The following TMEM182 variants were observed in gnomAD, a reference collection of about 807,000 sequenced individuals.
TMEM182 encodes the protein transmembrane protein 182.
Under a neutral mutation model 26.8 loss-of-function variants are expected in TMEM182, and 20 were observed. That is an observed-to-expected ratio of 0.75 (90% CI 0.53 to 1.09). The LOEUF is 1.09. TMEM182 is among the 50% of genes least tolerant of loss of function. The probability of loss-of-function intolerance (pLI) is 0.00; values close to 1 mark genes in which losing one functional copy is unlikely to be tolerated. For synonymous variants in TMEM182, 109 were observed against 102.2 expected, an observed-to-expected ratio of 1.07 and a Z score of -0.40; for missense variants, 277 against 275.5, an observed-to-expected ratio of 1.01 and a Z score of -0.04.
intron 3 of TMEM182, among the ~76,000 whole-genome samples, chr2:102,771,901 G>A (rs369175551): frequency 1.5e-4 from 23 of 152,144 alleles, no homozygotes; most frequent in African/African-American, 5.6e-4. Flanking sequence ...AACTAAAAAT[G>A]CCTCCAGACA....
chr2:102,835,041 TGG>T (rs1683219652), intron 3 of TMEM182, among the ~76,000 whole-genome samples: 1 of 152,000 alleles, frequency 6.6e-6, no homozygotes, highest in Non-Finnish European at 1.5e-5. Flanking sequence ...AAAGCAATTG[TGG>T]GGGGCGGGGA....
chr2:102,756,824 T>A (rs576950264), intron 1 of TMEM182, among the ~76,000 whole-genome samples: 21 of 151,434 alleles, frequency 1.4e-4, no homozygotes, highest in Admixed American at 3.9e-4. Context: ...CTTTTTTCCT[T>A]TTTTTTTGAG....
At chr2:102,839,471 A>ATATATATATG (rs1553446276) in intron 3 of TMEM182, among the ~76,000 whole-genome samples, 8 of 134,886 alleles carry the variant, frequency 5.9e-5, no homozygotes, top group African/African-American at 2.2e-4. Flanking sequence ...ATATATATAT[A>ATATATATATG]ATATATACAC....
intron 4 of TMEM182, among the ~76,000 whole-genome samples, chr2:102,802,192 G>A (rs747657698): frequency 1.3e-5 from 2 of 152,202 alleles, no homozygotes; most frequent in Non-Finnish European, 2.9e-5. Context: ...TATGACCATT[G>A]CTGGGTATGT....
At chr2:102,830,333 T>C (rs566863273) in intron 3 of TMEM182, among the ~76,000 whole-genome samples, 200 of 152,328 alleles carry the variant, frequency 1.3e-3, no homozygotes, top group African/African-American at 4.7e-3. Flanking sequence ...GCATCAGGCA[T>C]TGATAGCTGT....
At chr2:102,746,880 C>T (rs1157250504) in intron 1 of TMEM182, among the ~76,000 whole-genome samples, 1 of 152,158 alleles carries the variant, frequency 6.6e-6, no homozygotes, top group African/African-American at 2.4e-5. Context: ...AGCCACCATG[C>T]CTGGTGTTAA....
At chr2:102,784,124 T>C (rs1437123369) in intron 3 of TMEM182, among the ~76,000 whole-genome samples, 3 of 152,194 alleles carry the variant, frequency 2.0e-5, no homozygotes, top group Non-Finnish European at 2.9e-5. Context: ...GCTACTCTTA[T>C]CTCTGTATCT....
At chr2:102,766,459 A>T (rs1680435555) in intron 3 of TMEM182, among the ~76,000 whole-genome samples, 1 of 152,228 alleles carries the variant, frequency 6.6e-6, no homozygotes. Flanking sequence ...CACTTTAGGT[A>T]GAAATGATTG....
rs565189804 is a variant in TMEM182, at chr2:102,811,424, G to C, written c.470-3324G>C. On this transcript the variant is annotated intron_variant, in intron 4 of 4. Transcript: ENST00000412401. ...GTAGTATGAGGTTACTATTTTCTCC[G>C]TCAAAATTAATAAGCATTTTATTGG... Among the ~76,000 whole-genome samples the C allele has an allele frequency of 8.1e-4, 123 of 152,216 alleles. 2 individuals are homozygous for C. The highest frequency in any genetic ancestry group is 4.0e-3 in the Admixed American group (61 of 15,294).
At chr2:102,802,818 G>A (rs1682202286) in intron 4 of TMEM182, among the ~76,000 whole-genome samples, 1 of 152,192 alleles carries the variant, frequency 6.6e-6, no homozygotes, top group Non-Finnish European at 1.5e-5. Flanking sequence ...CACTGGCATT[G>A]GGAGATCAGC....
intron 3 of TMEM182, among the ~76,000 whole-genome samples, chr2:102,795,139 T>G (rs1010442139): frequency 6.6e-6 from 1 of 152,234 alleles, no homozygotes; most frequent in Non-Finnish European, 1.5e-5. Context: ...TAAAATTTAT[T>G]TTTGTAATTT....
chr2:102,786,180 A>C (rs947849922), intron 3 of TMEM182, among the ~76,000 whole-genome samples: 2 of 146,446 alleles, frequency 1.4e-5, no homozygotes, highest in Non-Finnish European at 3.0e-5. Context: ...CGGCACATGG[A>C]GAGGAAGATT....
At chr2:102,796,867 A>G (rs953372773) in intron 3 of TMEM182, among the ~76,000 whole-genome samples, 2 of 152,154 alleles carry the variant, frequency 1.3e-5, no homozygotes, top group South Asian at 2.1e-4. Flanking sequence ...TTTGCCAGGA[A>G]GGCTTCTTGA....
intron 2 of TMEM182, 107 bp from the exon 3 acceptor site, chr2:102,764,222 T>G: frequency 9.0e-7 from 1 of 1,107,650 alleles, no homozygotes; most frequent in Non-Finnish European, 1.3e-6. Context: ...AACCAGTAGT[T>G]TTGTTTTGCT....
intron 1 of TMEM182, among the ~76,000 whole-genome samples, chr2:102,755,134 A>C (rs1396921723): frequency 6.6e-6 from 1 of 152,218 alleles, no homozygotes; most frequent in Non-Finnish European, 1.5e-5. Flanking sequence ...AAGCTGGAAG[A>C]ATCTCCAAAT....
At chr2:102,750,033 A>G (rs2104638143) in intron 1 of TMEM182, among the ~76,000 whole-genome samples, 1 of 152,030 alleles carries the variant, frequency 6.6e-6, no homozygotes, top group South Asian at 2.1e-4. Context: ...TATAATAAAT[A>G]AATGTTTTTT....
At position 102,762,048 on chromosome 2, in the gene TMEM182, G is replaced by C. The variant is rs111261034; in HGVS notation, c.-170G>C. On this transcript the variant is annotated 5_prime_UTR_variant, in exon 1 of 5. Coordinates refer to ENST00000412401, the MANE Select transcript of TMEM182 (RefSeq NM_144632.5). ...GGGAATATGAATCTGCCGGTGGGGC[G>C]TGAGCGAGAAGCCACCAAAACATGA... is the stretch of plus-strand genomic sequence containing the variant. 4 of 554,538 alleles carry C rather than the reference G, an allele frequency of 7.2e-6. No homozygotes were observed. Among genetic ancestry groups the C allele is most frequent in the African/African-American group, 3.8e-5 (2 of 52,370 alleles). 34.4% of individuals were successfully genotyped at this position (554,538 alleles called of 1,614,324 possible). A position where few individuals can be genotyped will look rare whatever the true frequency, so the allele number is the denominator to read the frequency against.
chr2:102,802,893 C>G (rs575376800), intron 4 of TMEM182, among the ~76,000 whole-genome samples: 2 of 152,262 alleles, frequency 1.3e-5, no homozygotes, highest in South Asian at 2.1e-4. Context: ...ATTGAAGTAG[C>G]CTTTTCTTAA....
chr2:102,815,950 G>A lies in TMEM182; in HGVS notation c.*982G>A, dbSNP rs111896953. 1 of 983,928 alleles carries A rather than the reference G, an allele frequency of 1.0e-6. No individual in the cohort carries two copies. Among genetic ancestry groups the A allele is most frequent in the African/African-American group, 1.7e-5 (1 of 57,314 alleles). 60.9% of individuals were successfully genotyped at this position (983,928 alleles called of 1,614,324 possible). ...ATAAAATATTAACTTTCCCCAAGATGTTATGGGTTCCAGTTCTTCTGATCA... is the reference window on the plus strand; with the variant it reads ...ATAAAATATTAACTTTCCCCAAGATATTATGGGTTCCAGTTCTTCTGATCA... On this transcript the variant is annotated 3_prime_UTR_variant, in exon 5 of 5. Transcript: ENST00000412401.
Sources: gnomAD v4.1 joint callset for allele counts (sites outside exome capture counted in the v4.1 genomes callset) on GRCh38, gnomAD v4.1.1 for gene constraint, MANE v1.5 for transcripts, NCBI Gene and HGNC (gene_info 2026-07-23, HGNC 2026-07-21) for gene names.